Variants in ANO6 observed in about 807,000 individuals in gnomAD.
The protein encoded by ANO6 is anoctamin-6.
A neutral mutation model predicts 117.5 loss-of-function variants in ANO6; 106 were observed. The ratio of observed to expected loss-of-function variants is 0.90; its 90% CI spans 0.77 to 1.06. The LOEUF (loss-of-function observed/expected upper bound fraction) is 1.06. Among genes scored for constraint, ANO6 ranks in the 50% least tolerant of loss-of-function variants. ANO6 has a pLI of 0.00. For missense variants in ANO6, 955 were observed against 1,121.1 expected (o/e 0.85, Z 2.12); for synonymous variants, 367 against 385.1 (o/e 0.95, Z 0.55).
chr12:45,318,740 T>C (rs1339876312), intron 2 of ANO6, among the ~76,000 whole-genome samples: 1 of 152,196 alleles, frequency 6.6e-6, no homozygotes, highest in Non-Finnish European at 1.5e-5. Flanking sequence ...ATGATATTGA[T>C]TCTTCCTACC....
intron 1 of ANO6, among the ~76,000 whole-genome samples, chr12:45,284,945 T>C (rs1938859909): frequency 6.6e-6 from 1 of 152,250 alleles, no homozygotes; most frequent in Non-Finnish European, 1.5e-5. Context: ...ATATGTCATT[T>C]CTGTTATTTC....
chr12:45,279,402 TTTTC>T (rs767753951), intron 1 of ANO6, among the ~76,000 whole-genome samples: 2 of 152,218 alleles, frequency 1.3e-5, no homozygotes, highest in Non-Finnish European at 2.9e-5. Flanking sequence ...TCCTCCTCTA[TTTTC>T]TTTGTCTTTA....
chr12:45,385,301 A>G (rs1278242681), intron 10 of ANO6, among the ~76,000 whole-genome samples: 1 of 152,122 alleles, frequency 6.6e-6, no homozygotes, highest in Non-Finnish European at 1.5e-5. Context: ...TTTCTGAGAG[A>G]ATGCACATGA....
At chr12:45,416,674 T>A (rs1943221001) in intron 16 of ANO6, 25 bp from the exon 17 acceptor site, 1 of 1,610,896 alleles carries the variant, frequency 6.2e-7, no homozygotes, top group African/African-American at 1.3e-5. Flanking sequence ...CACCACTCCA[T>A]GATGTGTGTC....
At chr12:45,427,140 C>G (rs1159033233) in intron 19 of ANO6, among the ~76,000 whole-genome samples, 1 of 152,086 alleles carries the variant, frequency 6.6e-6, no homozygotes, top group Non-Finnish European at 1.5e-5. Flanking sequence ...ATCTGGTTGG[C>G]TTTTCCTTTA....
intron 1 of ANO6, among the ~76,000 whole-genome samples, chr12:45,238,151 CTTT>C (rs71437709): frequency 2.3e-5 from 3 of 130,854 alleles, no homozygotes; most frequent in African/African-American, 2.9e-5. Flanking sequence ...TTTTCTTTTT[CTTT>C]TTTTTTTTTT....
At chr12:45,407,482 A>AAC (rs1942968383) in intron 15 of ANO6, among the ~76,000 whole-genome samples, 10 of 9,428 alleles carry the variant, frequency 1.1e-3, no homozygotes, top group Admixed American at 2.3e-3. Flanking sequence ...TACCTGAGTC[A>AAC]CCCCCCCCCC....
chr12:45,378,552 G>A (rs183242387), intron 10 of ANO6, among the ~76,000 whole-genome samples: 1 of 152,272 alleles, frequency 6.6e-6, no homozygotes, highest in Non-Finnish European at 1.5e-5. Context: ...GGGTTCCAAA[G>A]AGAAGAGAGG....
At chr12:45,338,485 T>C (rs1592984977) in intron 3 of ANO6, among the ~76,000 whole-genome samples, 1 of 152,086 alleles carries the variant, frequency 6.6e-6, no homozygotes, top group Non-Finnish European at 1.5e-5. Flanking sequence ...CAGCCAGTGT[T>C]GGGTGGTTTT....
At chr12:45,428,701 A>ATGAT (rs1197395075) in intron 19 of ANO6, among the ~76,000 whole-genome samples, 19 of 152,232 alleles carry the variant, frequency 1.2e-4, no homozygotes, top group African/African-American at 4.3e-4. Flanking sequence ...ATAAGTGAGA[A>ATGAT]TGATACACAT....
intron 12 of ANO6, among the ~76,000 whole-genome samples, chr12:45,397,544 A>G (rs1942653796): frequency 6.6e-6 from 1 of 152,264 alleles, no homozygotes; most frequent in Non-Finnish European, 1.5e-5. Context: ...ATATATGTTT[A>G]TTGCAGCACT....
chr12:45,255,268 C>T (rs898595073), intron 1 of ANO6, among the ~76,000 whole-genome samples: 1 of 152,172 alleles, frequency 6.6e-6, no homozygotes, highest in Non-Finnish European at 1.5e-5. Flanking sequence ...CTCCCTCTGC[C>T]TTGGAATTTT....
chr12:45,298,989 A>C (rs1236380036), intron 1 of ANO6, among the ~76,000 whole-genome samples: 1 of 152,154 alleles, frequency 6.6e-6, no homozygotes, highest in Non-Finnish European at 1.5e-5. Flanking sequence ...GGTGTAAAAA[A>C]AAAAACAAAA....
chr12:45,271,284 C>T (rs1463000125), intron 1 of ANO6, among the ~76,000 whole-genome samples: 1 of 152,014 alleles, frequency 6.6e-6, no homozygotes, highest in Non-Finnish European at 1.5e-5. Context: ...TACCTAACAA[C>T]AAAAAGTTGT....
rs936988652 is a variant in ANO6 at position 45,370,095 on chromosome 12, G to A, written c.1104+2302G>A. ...GTGACTAAAGCAGTATGCTGATTCA[G>A]ACCGCTCTTAACACAGCTGTCTTGC... On this transcript the variant is annotated intron_variant, in intron 9 of 19. Transcript: ENST00000320560. Among the ~76,000 whole-genome samples the A allele has an allele frequency of 4.6e-5, 7 of 152,274 alleles. No homozygotes were observed. The East Asian group carries it at 5.8e-4, about 13-fold the overall frequency.
In ANO6 at chr12:45,402,021, G is replaced by GT; in HGVS notation, c.1612+2dup. The GT allele has an allele frequency of 2.5e-6, 4 of 1,610,782 alleles. No homozygotes were observed. The highest frequency in any genetic ancestry group is 3.4e-6 in the Non-Finnish European group (4 of 1,177,552). ...GTGGCAATTATGATTACTAACTTCG[G>GT]TAAGGTCCTACTATAGCTTAGGTAA... On this transcript the variant is annotated splice_donor_variant, in intron 13 of 19. Coordinates refer to ENST00000320560, the MANE Select transcript of ANO6 (RefSeq NM_001025356.3). LOFTEE classifies it high-confidence loss of function.
At chr12:45,405,945 C>A (rs1383707040) in intron 15 of ANO6, among the ~76,000 whole-genome samples, 1 of 152,106 alleles carries the variant, frequency 6.6e-6, no homozygotes, top group Non-Finnish European at 1.5e-5. Context: ...TCCTTTCTAT[C>A]CAAAACTATA....
At chr12:45,307,955 T>C (rs1029614611) in intron 2 of ANO6, among the ~76,000 whole-genome samples, 2 of 151,686 alleles carry the variant, frequency 1.3e-5, no homozygotes, top group African/African-American at 4.8e-5. Flanking sequence ...CCAAACCTTA[T>C]TAGAAAGGAT....
At chr12:45,269,085 G>T (rs1938310039) in intron 1 of ANO6, among the ~76,000 whole-genome samples, 1 of 152,188 alleles carries the variant, frequency 6.6e-6, no homozygotes, top group Non-Finnish European at 1.5e-5. Context: ...CAGAGGCTCT[G>T]GTGCTGTTCC....
Sources: allele counts gnomAD v4.1 joint callset (sites outside exome capture counted in the v4.1 genomes callset), GRCh38; gene constraint gnomAD v4.1.1; transcripts MANE v1.5; gene names NCBI Gene and HGNC (gene_info 2026-07-23, HGNC 2026-07-21).